EXD3: variants seen among roughly 807,000 people sequenced by gnomAD.
EXD3 encodes exonuclease mut-7 homolog.
In EXD3, 92 loss-of-function variants were observed where a neutral mutation model predicts 98.0. The observed-to-expected ratio is 0.94, with a 90% CI of 0.79 to 1.12. The LOEUF (loss-of-function observed/expected upper bound fraction) is 1.12, where lower values mean the gene tolerates loss of function less well. Among genes scored for constraint, EXD3 ranks in the 50% most tolerant of loss-of-function variants. EXD3 has a pLI of 0.00. For synonymous variants in EXD3, 569 were observed against 526.0 expected (o/e 1.08, Z -1.12); for missense variants, 1,222 against 1,191.6 (o/e 1.03, Z -0.38).
At chr9:137,379,863 C>T (rs1381015186) in intron 3 of EXD3, among the ~76,000 whole-genome samples, 1 of 152,042 alleles carries the variant, frequency 6.6e-6, no homozygotes, top group Non-Finnish European at 1.5e-5. Context: ...AAAATCCTGG[C>T]CCTCCAGACC....
At chr9:137,333,359 T>C (rs1026112534) in intron 17 of EXD3, among the ~76,000 whole-genome samples, 1 of 152,238 alleles carries the variant, frequency 6.6e-6, no homozygotes, top group African/African-American at 2.4e-5. Context: ...CTTGTGATCC[T>C]GTGAGTCAAC....
At chr9:137,400,045 A>AAAAAAAAAAAAG (rs1564209842) in intron 1 of EXD3, among the ~76,000 whole-genome samples, 1 of 149,798 alleles carries the variant, frequency 6.7e-6, no homozygotes, top group African/African-American at 2.5e-5. Context: ...AAAAAAAAAA[A>AAAAAAAAAAAAG]AAAGAAAATG....
Position 137,378,295 on chromosome 9 carries a change from G to A in EXD3, c.121-4696C>T, listed in dbSNP as rs144337268. Among the ~76,000 whole-genome samples the A allele has an allele frequency of 7.3e-3, 1,108 of 152,088 alleles. 12 individuals are homozygous for A. Among genetic ancestry groups the A allele is most frequent in the African/African-American group, 0.025 (1,039 of 41,488 alleles). ...ATGATCTTGGCTCACTGCAACCTCC[G>A]CCTCTGGGGTTTAAGTGATTCTCCT... is the stretch of plus-strand genomic sequence containing the variant. On this transcript the variant is annotated intron_variant, in intron 3 of 21. Coordinates refer to ENST00000340951, the MANE Select transcript of EXD3 (RefSeq NM_017820.5).
chr9:137,331,928 TAAATA>T (rs1833083619), intron 17 of EXD3, among the ~76,000 whole-genome samples: 1 of 151,374 alleles, frequency 6.6e-6, no homozygotes. Flanking sequence ...AAAATAAAAA[TAAATA>T]AATAAAAAAG....
chr9:137,344,514 G>A (rs1280731369), intron 17 of EXD3, among the ~76,000 whole-genome samples: 4 of 152,218 alleles, frequency 2.6e-5, no homozygotes, highest in African/African-American at 4.8e-5. Flanking sequence ...GCGGCCAAGG[G>A]CTGATACCCC....
At chr9:137,354,628 G>T (rs1472129192) in intron 9 of EXD3, 72 bp downstream of exon 9, 1 of 1,595,524 alleles carries the variant, frequency 6.3e-7, no homozygotes, top group Admixed American at 1.7e-5. Flanking sequence ...AGTGCGCAGT[G>T]AGTATCCCAG....
intron 1 of EXD3, among the ~76,000 whole-genome samples, chr9:137,419,927 A>G (rs1159625241): frequency 1.3e-5 from 2 of 152,200 alleles, no homozygotes; most frequent in Non-Finnish European, 2.9e-5. Context: ...TGGGAGGCCA[A>G]GGCGGGCGGA....
chr9:137,338,668 C>T (rs1233884183), intron 17 of EXD3, among the ~76,000 whole-genome samples: 2 of 149,852 alleles, frequency 1.3e-5, no homozygotes, highest in African/African-American at 2.5e-5. Context: ...GGGCAGATCA[C>T]GAGGTCAGGA....
rs1266219511 is a variant in EXD3 at position 137,324,271 on chromosome 9, T to C, written c.1999-128A>G. The C allele has an allele frequency of 1.3e-6, 1 of 770,324 alleles. No homozygotes were observed. Among genetic ancestry groups the C allele is most frequent in the Non-Finnish European group, 2.1e-6 (1 of 469,810 alleles). The allele number at this position is 770,324 out of a possible 1,614,324, so 47.7% of individuals were successfully genotyped here. On this transcript the variant is annotated intron_variant, in intron 17 of 21. Coordinates refer to ENST00000340951, the MANE Select transcript of EXD3 (RefSeq NM_017820.5). The surrounding 1 kb of genome is among the most constrained non-coding windows in gnomAD (Gnocchi z 4.1). ...CCCAGGCCCCTTTTGTCCTCCAGGG[T>C]GGCCTCTGCCTGGGGTCTTGGGTGG... is the stretch of plus-strand genomic sequence containing the variant.
intron 2 of EXD3, among the ~76,000 whole-genome samples, chr9:137,391,620 A>C (rs1029831326): frequency 7.2e-5 from 8 of 110,744 alleles, no homozygotes; most frequent in Middle Eastern, 6.0e-3. Flanking sequence ...TGCCTCTGCC[A>C]GAGGGCCGGC....
intron 20 of EXD3, among the ~76,000 whole-genome samples, 179 bp from the exon 21 acceptor site, chr9:137,307,825 C>T (rs1226223123): frequency 4.6e-5 from 7 of 152,176 alleles, no homozygotes; most frequent in African/African-American, 1.4e-4. Context: ...GCTGTGGTAC[C>T]GGCCTGGTCC....
chr9:137,348,214 C>T lies in EXD3; in HGVS notation c.1855G>A (p.Glu619Lys). 1.2e-6 allele frequency: 2 copies of T among 1,611,394 alleles called. No individual in the cohort carries two copies. Among genetic ancestry groups the T allele is most frequent in the South Asian group, 1.1e-5 (1 of 90,988 alleles). ...RQVPVAVAVSEGAAPQIPARA... is the reference protein window; with the variant it reads ...RQVPVAVAVSKGAAPQIPARA... ...GCCGGAATCTGAGGGGCAGCGCCCT[C>T]AGACACAGCCACAGCCACAGGGACC... The change falls in exon 17 of 22, where the codon GAG becomes AAG. Residue 619 changes from glutamate to lysine, a missense_variant. Physicochemically the swap from Glu to Lys is moderately conservative, Grantham distance 56. Transcript: ENST00000340951.
In EXD3 at chr9:137,307,771, ACC is replaced by A. The variant is rs1210048665; in HGVS notation, c.2279-127_2279-126del. On this transcript the variant is annotated intron_variant, in intron 20 of 21. Coordinates refer to ENST00000340951, the MANE Select transcript of EXD3 (RefSeq NM_017820.5). ...CTCATGGGGTGCAGCCTCTTCACAC[ACC>A]CCCCAGCCTTCGCAGACGGGCAGAG... 1.1e-5 allele frequency: 12 copies of A among 1,048,096 alleles called. No individual in the cohort carries two copies. The African/African-American group carries it at 1.6e-4, about 14-fold the overall frequency. The allele number at this position is 1,048,096 out of a possible 1,614,324, so 64.9% of individuals were successfully genotyped here.
intron 1 of EXD3, among the ~76,000 whole-genome samples, chr9:137,399,903 G>A (rs1381573158): frequency 1.3e-5 from 2 of 151,990 alleles, no homozygotes; most frequent in Non-Finnish European, 2.9e-5. Flanking sequence ...CAGGCGTGGT[G>A]GTGGTGCCTC....
chr9:137,403,004 T>C lies in EXD3; in HGVS notation c.-47-7600A>G, dbSNP rs561907800. ...GCCCCAGGATTCAATTACTGCCCCCTGGGTCCCTCCCACAACAGGTGGGAA... is the reference window on the plus strand; with the variant it reads ...GCCCCAGGATTCAATTACTGCCCCCCGGGTCCCTCCCACAACAGGTGGGAA... On this transcript the variant is annotated intron_variant, in intron 1 of 21. Transcript: ENST00000340951. The surrounding 1 kb of genome is among the most constrained non-coding windows in gnomAD (Gnocchi z 6.1). 4.3e-4 allele frequency among the ~76,000 whole-genome samples: 65 copies of C among 152,242 alleles called. 1 individual carries two copies. Among genetic ancestry groups the C allele is most frequent in the Non-Finnish European group, 7.3e-4 (50 of 68,028 alleles).
At chr9:137,328,741 GCTACACGGGACTACACGGGA>G (rs1832686704) in intron 17 of EXD3, among the ~76,000 whole-genome samples, 2 of 12,240 alleles carry the variant, frequency 1.6e-4, no homozygotes, top group African/African-American at 9.8e-4. Flanking sequence ...ACTACACGGG[GCTACACGGGACTACACGGGA>G]CTACACGGGG....
intron 1 of EXD3, among the ~76,000 whole-genome samples, chr9:137,414,155 G>A (rs1341211628): frequency 1.3e-5 from 2 of 152,098 alleles, no homozygotes; most frequent in Non-Finnish European, 2.9e-5. Context: ...CTGACCTCGT[G>A]ATCCACCTCC....
At chr9:137,384,213 G>C (rs1050991507) in intron 2 of EXD3, among the ~76,000 whole-genome samples, 25 of 152,240 alleles carry the variant, frequency 1.6e-4, no homozygotes, top group Middle Eastern at 6.3e-3. Flanking sequence ...GTTGCTGCGA[G>C]GGAGGCTGAG....
chr9:137,420,229 T>C (rs1838450736), intron 1 of EXD3, among the ~76,000 whole-genome samples: 1 of 152,232 alleles, frequency 6.6e-6, no homozygotes, highest in South Asian at 2.1e-4. Context: ...ATGCTTTTTA[T>C]GATTTTTTGT....
Sources: gnomAD v4.1 joint callset for allele counts (sites outside exome capture counted in the v4.1 genomes callset) on GRCh38, gnomAD v4.1.1 for gene constraint, Gnocchi (gnomAD v3.1) non-coding constraint, MANE v1.5 for transcripts, NCBI Gene and HGNC (gene_info 2026-07-23, HGNC 2026-07-21) for gene names.